The following DNMT1 variants were observed in gnomAD, a reference collection of about 807,000 sequenced individuals.
DNMT1 encodes the protein DNA methyltransferase 1, also known as DNA (cytosine-5)-methyltransferase 1.
DNMT1 carries 24 observed loss-of-function variants against 205.3 expected under a neutral mutation model. That is an observed-to-expected ratio of 0.12 (90% CI 0.08 to 0.16). The LOEUF (loss-of-function observed/expected upper bound fraction) is 0.16. Among genes scored for constraint, DNMT1 ranks in the 10% least tolerant of loss-of-function variants. DNMT1 has a pLI of 1.00. For missense variants in DNMT1, 1,293 were observed against 2,177.7 expected, an observed-to-expected ratio of 0.59 and a Z score of 8.09; for synonymous variants, 817 against 839.8, an observed-to-expected ratio of 0.97 and a Z score of 0.47.
chr19:10,149,423 A>C, intron 26 of DNMT1, 30 bp downstream of exon 26: 3 of 1,612,304 alleles, frequency 1.9e-6, no homozygotes, highest in Non-Finnish European at 2.5e-6. Context: ...ACGATAAGGC[A>C]GGGGCTCACG....
At chr19:10,188,839 C>T (rs2039245450) in intron 1 of DNMT1, among the ~76,000 whole-genome samples, 1 of 152,174 alleles carries the variant, frequency 6.6e-6, no homozygotes, top group African/African-American at 2.4e-5. Flanking sequence ...ATGAGACCGC[C>T]TCCAGAAGCG....
chr19:10,135,552 G>A (rs753944579), intron 39 of DNMT1, 184 bp downstream of exon 39: 7 of 658,696 alleles, frequency 1.1e-5, no homozygotes, highest in Non-Finnish European at 1.9e-5. Context: ...GCATAGGGAC[G>A]CAGCCTGACT....
intron 37 of DNMT1, 88 bp downstream of exon 37, chr19:10,136,997 C>G (rs1254762950): frequency 2.0e-6 from 3 of 1,528,546 alleles, no homozygotes; most frequent in Non-Finnish European, 2.7e-6. Flanking sequence ...CTGTGCCCTG[C>G]CCTGGCCTCC....
At chr19:10,135,912 G>A (rs2089471196) in intron 38 of DNMT1, 60 bp from the exon 39 acceptor site, 4 of 1,523,436 alleles carry the variant, frequency 2.6e-6, no homozygotes, top group Non-Finnish European at 3.5e-6. Context: ...CACCGTCGGG[G>A]ACAGGGAGGG....
Position 10,133,906 on chromosome 19 carries a change from C to G in DNMT1, c.4865-205G>C, listed in dbSNP as rs1004454115. 1.3e-5 allele frequency among the ~76,000 whole-genome samples: 2 copies of G among 152,192 alleles called. No homozygotes were observed. Among genetic ancestry groups the G allele is most frequent in the Non-Finnish European group, 1.5e-5 (1 of 68,028 alleles). On this transcript the variant is annotated intron_variant, in intron 40 of 40. Transcript: ENST00000359526. The surrounding 1 kb of genome is among the most constrained non-coding windows in gnomAD (Gnocchi z 4.1). ...CCCCAGAGGGTTCTAGACCCAGAGG[C>G]TCAAGTGAGCAGCTGAGGCAGGTGC... is the stretch of plus-strand genomic sequence containing the variant.
chr19:10,150,761 C>A (rs939511648), intron 24 of DNMT1, among the ~76,000 whole-genome samples: 1 of 152,166 alleles, frequency 6.6e-6, no homozygotes, highest in Non-Finnish European at 1.5e-5. Context: ...AAAAGACCCA[C>A]CCCACACCAG....
Position 10,149,336 on chromosome 19 carries a change from A to C in DNMT1, c.2586+117T>G, listed in dbSNP as rs866469831. On this transcript the variant is annotated intron_variant, in intron 26 of 40. Transcript: ENST00000359526. ...GCGAAACTCAGTCTCAAAACAAAAA[A>C]AAAAACAAAAAAAAAACCAAATTAA... The C allele has an allele frequency of 2.8e-4, 381 of 1,378,122 alleles. 8 individuals are homozygous for C. The South Asian group carries it at 4.5e-3, about 16-fold the overall frequency. 85.4% of individuals were successfully genotyped at this position (1,378,122 alleles called of 1,614,324 possible).
Position 10,162,677 on chromosome 19 carries a change from T to C in DNMT1, c.998A>G (p.Glu333Gly). Residue 333 changes from glutamate (E) to glycine (G), a missense_variant, in exon 13 of 41, where the codon GAG becomes GGG. By Grantham distance (98) the Glu-to-Gly change is moderately conservative. This residue lies in a region of DNMT1 where 394 missense variants were observed against 451.6 expected (regional missense o/e 0.87). Coordinates refer to ENST00000359526, the MANE Select transcript of DNMT1 (RefSeq NM_001130823.3). ...AAGTGAGACCTTTACCTTTTCATCC[T>C]CGTCTTTTTCATCAGAAATCTGTGG... ...VNPQISDEKD[E>G]DEKEEKRRKT... 1 of 1,610,120 alleles carries C rather than the reference T, an allele frequency of 6.2e-7. No individual in the cohort carries two copies. The highest frequency in any genetic ancestry group is 8.5e-7 in the Non-Finnish European group (1 of 1,177,750).
intron 39 of DNMT1, among the ~76,000 whole-genome samples, chr19:10,134,947 C>T (rs571461701): frequency 2.6e-5 from 4 of 151,548 alleles, no homozygotes; most frequent in South Asian, 2.1e-4. Context: ...CGCAGTGGCT[C>T]ATGCCTGTAA....
rs774875858 is a variant in DNMT1, at chr19:10,159,880, C to T, written c.1132G>A (p.Asp378Asn). 2 of 1,614,040 alleles carry T rather than the reference C, an allele frequency of 1.2e-6. No homozygotes were observed. The highest frequency in any genetic ancestry group is 8.5e-7 in the Non-Finnish European group (1 of 1,180,030). Residue 378 changes from aspartate to asparagine, a missense_variant, in exon 16 of 41, where the codon GAC (aspartate) becomes AAC (asparagine). This residue lies in a region of DNMT1 where 120 missense variants were observed against 315.9 expected (regional missense o/e 0.38). Transcript: ENST00000359526. This position sits in a 1 kb window ranked among gnomAD's most constrained non-coding sequence, Gnocchi z 5.0. ...KCIQCGQYLDDPDLKYGQHPP... is the reference protein window; with the variant it reads ...KCIQCGQYLDNPDLKYGQHPP... Reference sequence around the variant, plus strand: ...TGCTGCCCATATTTGAGGTCAGGGTCGTCCAGGTACTGCCCGCACTGAATG... The same window carrying T: ...TGCTGCCCATATTTGAGGTCAGGGTTGTCCAGGTACTGCCCGCACTGAATG...
Position 10,146,404 on chromosome 19 carries a change from G to C in DNMT1, c.2841C>G (p.Ile947Met), listed in dbSNP as rs1378414629. ...ACACACCATCACCAACTCGGTACAG[G>C]ATGCCGTTCTTGGTGGCTGAGTAGT... ...VLYYSATKNG[I>M]LYRVGDGVYL... The change falls in exon 28 of 41, where the codon ATC becomes ATG. Residue 947 changes from isoleucine to methionine, a missense_variant. By Grantham distance (10) the Ile-to-Met change is conservative. Transcript: ENST00000359526. This position sits in a 1 kb window ranked among gnomAD's most constrained non-coding sequence, Gnocchi z 4.4. 2.5e-6 allele frequency: 4 copies of C among 1,613,994 alleles called. No homozygotes were observed. The African/African-American group carries it at 5.3e-5, about 22-fold the overall frequency.
chr19:10,139,606 G>C lies in DNMT1; in HGVS notation c.3948+70C>G, dbSNP rs940475022. Reference sequence around the variant, plus strand: ...TGCCATTGAACCCTGCCTTCAGTAAGGGATGGCTGGCTGCTGGCCGGGTCA... The same window carrying C: ...TGCCATTGAACCCTGCCTTCAGTAACGGATGGCTGGCTGCTGGCCGGGTCA... On this transcript the variant is annotated intron_variant, in intron 34 of 40. Coordinates refer to ENST00000359526, the MANE Select transcript of DNMT1 (RefSeq NM_001130823.3). 392 of 1,572,002 alleles carry C rather than the reference G, an allele frequency of 2.5e-4. 2 individuals are homozygous for C. In the Admixed American group the frequency reaches 7.1e-3, roughly 29 times the overall value.
In DNMT1 at chr19:10,133,392, A is replaced by G; in HGVS notation, c.*275T>C. The G allele has an allele frequency of 1.9e-6, 1 of 527,498 alleles. No individual in the cohort carries two copies. The highest frequency in any genetic ancestry group is 3.1e-5 in the East Asian group (1 of 32,486). 32.7% of individuals were successfully genotyped at this position (527,498 alleles called of 1,614,324 possible). A position where few individuals can be genotyped will look rare whatever the true frequency, so the allele number is the denominator to read the frequency against. On this transcript the variant is annotated 3_prime_UTR_variant, in exon 41 of 41. Coordinates refer to ENST00000359526, the MANE Select transcript of DNMT1 (RefSeq NM_001130823.3). The surrounding 1 kb of genome is among the most constrained non-coding windows in gnomAD (Gnocchi z 4.1). ...TTGAAGAAATATTACAACATATAAAAACTACATAAAGTCTTAATTTCCACT... is the reference window on the plus strand; with the variant it reads ...TTGAAGAAATATTACAACATATAAAGACTACATAAAGTCTTAATTTCCACT...
At chr19:10,161,605 C>CA in intron 13 of DNMT1, among the ~76,000 whole-genome samples, 1 of 152,268 alleles carries the variant, frequency 6.6e-6, no homozygotes, top group African/African-American at 2.4e-5. Context: ...ATGACTGTAC[C>CA]ACTGCACTCC....
At chr19:10,173,000 C>T in intron 9 of DNMT1, 90 bp downstream of exon 9, 1 of 1,468,820 alleles carries the variant, frequency 6.8e-7, no homozygotes, top group Non-Finnish European at 9.5e-7. Flanking sequence ...CTTCCACGTT[C>T]CCCACCCCCT....
intron 9 of DNMT1, among the ~76,000 whole-genome samples, chr19:10,170,261 A>G (rs1426604929): frequency 6.6e-6 from 1 of 152,010 alleles, no homozygotes; most frequent in African/African-American, 2.4e-5. Flanking sequence ...CTCCAGCCTG[A>G]GCGAAAGAGC....
rs547826400 is a variant in DNMT1 at position 10,137,435 on chromosome 19, G to A, written c.4294-155C>T. 48 of 952,146 alleles carry A rather than the reference G, an allele frequency of 5.0e-5. No individual in the cohort carries two copies. Among genetic ancestry groups the A allele is most frequent in the East Asian group, 7.9e-5 (3 of 37,996 alleles). The allele number at this position is 952,146 out of a possible 1,614,324, so 59.0% of individuals were successfully genotyped here. A position where few individuals can be genotyped will look rare whatever the true frequency, so the allele number is the denominator to read the frequency against. ...CAGTCAGGGATATCGCACTTGGCTC[G>A]AGGCCACGGCAGGGACCTGAGGCAG... On this transcript the variant is annotated intron_variant, in intron 36 of 40. Coordinates refer to ENST00000359526, the MANE Select transcript of DNMT1 (RefSeq NM_001130823.3). The surrounding 1 kb of genome is among the most constrained non-coding windows in gnomAD (Gnocchi z 6.4).
At chr19:10,194,682 T>A (rs533664625) in intron 1 of DNMT1, 138 bp downstream of exon 1, 502 of 1,241,422 alleles carry the variant, frequency 4.0e-4, no homozygotes, top group Middle Eastern at 7.3e-4. Context: ...CCGCGCCAAC[T>A]GCCGCTGCGC....
At position 10,137,777 on chromosome 19, in the gene DNMT1, A is replaced by T. The variant is rs565037285; in HGVS notation, c.4293+55T>A. The T allele has an allele frequency of 1.4e-5, 22 of 1,587,922 alleles. No homozygotes were observed. The African/African-American group carries it at 1.7e-4, about 13-fold the overall frequency. On this transcript the variant is annotated intron_variant, in intron 36 of 40. Transcript: ENST00000359526. This position sits in a 1 kb window ranked among gnomAD's most constrained non-coding sequence, Gnocchi z 6.4. ...AGTCTTGGGCAGGCTGACTGTTCCC[A>T]CGAGGCTGCTGGGCTGGGCCTCGAG...
Sources: allele counts gnomAD v4.1 joint callset (sites outside exome capture counted in the v4.1 genomes callset), GRCh38; gene constraint gnomAD v4.1.1; regional missense constraint gnomAD v4.1.1; non-coding constraint Gnocchi (gnomAD v3.1); transcripts MANE v1.5; gene names NCBI Gene and HGNC (gene_info 2026-07-23, HGNC 2026-07-21).